The following TUBGCP3 variants were observed in gnomAD, a reference collection of about 807,000 sequenced individuals.
The protein encoded by TUBGCP3 is gamma-tubulin complex component 3.
A neutral mutation model predicts 123.1 loss-of-function variants in TUBGCP3; 50 were observed. The observed-to-expected ratio is 0.41, with a 90% CI of 0.32 to 0.51. The LOEUF (loss-of-function observed/expected upper bound fraction) is 0.51. Ranked by LOEUF, TUBGCP3 falls within the 20% of genes least tolerant of loss-of-function variation. The pLI is 0.36. For missense variants in TUBGCP3, 882 were observed against 1,127.0 expected (o/e 0.78, Z 3.11); for synonymous variants, 405 against 413.9 (o/e 0.98, Z 0.26).
chr13:112,504,862 A>G (rs1433929763), intron 17 of TUBGCP3, 148 bp from the exon 18 acceptor site: 1 of 647,572 alleles, frequency 1.5e-6, no homozygotes, highest in Non-Finnish European at 2.7e-6. Flanking sequence ...ACCTCTCCAG[A>G]ACCAATTTCT....
At chr13:112,534,332 G>A (rs1877848974) in intron 11 of TUBGCP3, among the ~76,000 whole-genome samples, 1 of 152,278 alleles carries the variant, frequency 6.6e-6, no homozygotes, top group South Asian at 2.1e-4. Flanking sequence ...GGATCACGAG[G>A]TCAGGAGATC....
rs981775469 is a variant in TUBGCP3 at position 112,545,379 on chromosome 13, C to T, written c.1335+320G>A. 2.9e-5 allele frequency: 8 copies of T among 279,526 alleles called. No individual in the cohort carries two copies. Among genetic ancestry groups the T allele is most frequent in the East Asian group, 1.3e-4 (2 of 15,320 alleles). 17.3% of individuals were successfully genotyped at this position (279,526 alleles called of 1,614,324 possible). On this transcript the variant is annotated intron_variant, in intron 11 of 21. Transcript: ENST00000261965. This position sits in a 1 kb window ranked among gnomAD's most constrained non-coding sequence, Gnocchi z 4.1. ...AATCATGGCAAAGCAGCAGAATCTG[C>T]GATGATGACTGCCCCAAGACTCAGG...
chr13:112,587,832 G>A (rs963130979), intron 1 of TUBGCP3, 73 bp downstream of exon 1: 6 of 1,375,674 alleles, frequency 4.4e-6, no homozygotes, highest in East Asian at 2.8e-5. Flanking sequence ...GCCCCGGAAC[G>A]TATTAGGGCT....
At chr13:112,570,497 A>G (rs1881314316) in intron 1 of TUBGCP3, among the ~76,000 whole-genome samples, 1 of 151,294 alleles carries the variant, frequency 6.6e-6, no homozygotes, top group South Asian at 2.1e-4. Flanking sequence ...TTATGTCTAA[A>G]AAGAAAAAAA....
At chr13:112,529,438 A>G (rs966736945) in intron 11 of TUBGCP3, among the ~76,000 whole-genome samples, 8 of 152,234 alleles carry the variant, frequency 5.3e-5, no homozygotes, top group Non-Finnish European at 8.8e-5. Context: ...ACATTCTCCA[A>G]TGATGACCAA....
At chr13:112,496,911 A>C (rs996716380) in intron 20 of TUBGCP3, among the ~76,000 whole-genome samples, 1 of 151,380 alleles carries the variant, frequency 6.6e-6, no homozygotes, top group African/African-American at 2.4e-5. Context: ...GCGTGAACCC[A>C]GGAGGCGGAG....
chr13:112,547,411 C>T (rs4907537), intron 10 of TUBGCP3: 146,427 of 784,440 alleles, frequency 0.19, 14,956 homozygotes, highest in East Asian at 0.28. Context: ...ATCGAATCAA[C>T]ACGGCCATTA....
chr13:112,518,941 G>GT, intron 16 of TUBGCP3, 34 bp downstream of exon 16: 2 of 1,575,466 alleles, frequency 1.3e-6, no homozygotes, highest in African/African-American at 1.3e-5. Context: ...CTTAATAGTT[G>GT]TAAATACTAT....
intron 14 of TUBGCP3, 89 bp from the exon 15 acceptor site, chr13:112,520,110 C>A: frequency 7.6e-7 from 1 of 1,310,956 alleles, no homozygotes; most frequent in Admixed American, 2.4e-5. Context: ...AGTAAGAGTT[C>A]AAATTATAAA....
At position 112,565,129 on chromosome 13, in the gene TUBGCP3, G is replaced by A; in HGVS notation, c.234C>T (p.His78=). ...EADAALFSEL[H]RKLHSQGVLK... The stretch of plus-strand genomic sequence containing the variant: ...ACTGTACCTGTGAATGAAGTTTTCT[G>A]TGGAGTTCTGAAAATAATGCAGCAT... Residue 78 remains histidine (H), a synonymous_variant, in exon 3 of 22, where the codon CAC becomes CAT. Coordinates refer to ENST00000261965, the MANE Select transcript of TUBGCP3 (RefSeq NM_006322.6). 3 of 1,613,746 alleles carry A rather than the reference G, an allele frequency of 1.9e-6. No individual in the cohort carries two copies. The highest frequency in any genetic ancestry group is 2.5e-6 in the Non-Finnish European group (3 of 1,179,962).
In TUBGCP3 at chr13:112,508,019, T is replaced by G. The variant is rs1042952202; in HGVS notation, c.2087-3305A>C. On this transcript the variant is annotated intron_variant, in intron 17 of 21. Coordinates refer to ENST00000261965, the MANE Select transcript of TUBGCP3 (RefSeq NM_006322.6). The surrounding 1 kb of genome is among the most constrained non-coding windows in gnomAD (Gnocchi z 4.2). ...AACAACACTGTCATGCAATGCTCAG[T>G]GTCAGCCTAAACTCCTGACATCCCA... 1.3e-5 allele frequency among the ~76,000 whole-genome samples: 2 copies of G among 152,178 alleles called. No individual in the cohort carries two copies. Among genetic ancestry groups the G allele is most frequent in the African/African-American group, 4.8e-5 (2 of 41,442 alleles).
intron 1 of TUBGCP3, among the ~76,000 whole-genome samples, chr13:112,579,966 G>A (rs1473386543): frequency 1.3e-5 from 2 of 152,184 alleles, no homozygotes; most frequent in Non-Finnish European, 2.9e-5. Context: ...GGATAAACTG[G>A]TTCATCATAC....
chr13:112,586,764 T>A (rs73570407), intron 1 of TUBGCP3, among the ~76,000 whole-genome samples: 21,293 of 152,166 alleles, frequency 0.14, 2,570 homozygotes, highest in African/African-American at 0.33. Context: ...GACTTGTGCA[T>A]CTGCATCACC....
At chr13:112,576,743 T>A (rs992320053) in intron 1 of TUBGCP3, among the ~76,000 whole-genome samples, 2 of 151,946 alleles carry the variant, frequency 1.3e-5, no homozygotes, top group Non-Finnish European at 2.9e-5. Context: ...TATCAAAATA[T>A]GTGAGATGTG....
Position 112,545,845 on chromosome 13 carries a change from C to T in TUBGCP3, c.1189G>A (p.Ala397Thr). 2 of 1,612,542 alleles carry T rather than the reference C, an allele frequency of 1.2e-6. No homozygotes were observed. The highest frequency in any genetic ancestry group is 1.7e-6 in the Non-Finnish European group (2 of 1,178,666). Residue 397 changes from alanine to threonine, a missense_variant, in exon 11 of 22, where the codon GCC (alanine) becomes ACC (threonine). Transcript: ENST00000261965. The surrounding 1 kb of genome is among the most constrained non-coding windows in gnomAD (Gnocchi z 4.1). ...HCQGRKGGELASAVHAYTKTG... is the reference protein window; with the variant it reads ...HCQGRKGGELTSAVHAYTKTG... ...TTTGTGTAGGCGTGGACAGCTGAGGCCAGCTCACCTCCTTTCCTTCCTGGG... is the reference window on the plus strand; with the variant it reads ...TTTGTGTAGGCGTGGACAGCTGAGGTCAGCTCACCTCCTTTCCTTCCTGGG...
intron 21 of TUBGCP3, among the ~76,000 whole-genome samples, chr13:112,487,654 C>G (rs1879769419): frequency 6.6e-6 from 1 of 152,116 alleles, no homozygotes; most frequent in Non-Finnish European, 1.5e-5. Flanking sequence ...AACATGAGTT[C>G]AAGAAGGCAT....
At chr13:112,497,022 A>G (rs1403995955) in intron 20 of TUBGCP3, among the ~76,000 whole-genome samples, 1 of 151,226 alleles carries the variant, frequency 6.6e-6, no homozygotes, top group Non-Finnish European at 1.5e-5. Flanking sequence ...ATTTTGGTCG[A>G]TTTTGAGACA....
intron 17 of TUBGCP3, among the ~76,000 whole-genome samples, chr13:112,507,555 G>A (rs1049230525): frequency 1.3e-5 from 2 of 152,164 alleles, no homozygotes; most frequent in Non-Finnish European, 2.9e-5. Flanking sequence ...CAAATTTTTT[G>A]TGGCTATTCT....
chr13:112,536,692 C>T (rs1265591077), intron 11 of TUBGCP3, among the ~76,000 whole-genome samples: 1 of 152,188 alleles, frequency 6.6e-6, no homozygotes, highest in African/African-American at 2.4e-5. Context: ...ACATACACCT[C>T]TCTACCTATA....
Sources: gnomAD v4.1 joint callset for allele counts (sites outside exome capture counted in the v4.1 genomes callset) on GRCh38, gnomAD v4.1.1 for gene constraint, Gnocchi (gnomAD v3.1) non-coding constraint, MANE v1.5 for transcripts, NCBI Gene and HGNC (gene_info 2026-07-23, HGNC 2026-07-21) for gene names.